Variants in ADCY4 observed in about 807,000 individuals in gnomAD.
The protein encoded by ADCY4 is adenylate cyclase 4.
A neutral mutation model predicts 125.5 loss-of-function variants in ADCY4; 111 were observed. That is an observed-to-expected ratio of 0.88 (90% CI 0.76 to 1.04). ADCY4 has a LOEUF of 1.04. Ranked by LOEUF, ADCY4 falls within the 50% of genes least tolerant of loss-of-function variation. The pLI, the probability that ADCY4 is intolerant of heterozygous loss-of-function variation, is 0.00. For missense variants in ADCY4, 1,256 were observed against 1,382.9 expected, an observed-to-expected ratio of 0.91 and a Z score of 1.46; for synonymous variants, 576 against 586.9, an observed-to-expected ratio of 0.98 and a Z score of 0.27.
Position 24,319,162 on chromosome 14 carries a change from C to A in ADCY4, c.2892G>T (p.Val964=). Residue 964 remains valine, a synonymous_variant, in exon 23 of 25, where the codon GTG becomes GTT. Coordinates refer to ENST00000418030, the MANE Select transcript of ADCY4 (RefSeq NM_001198568.2). This position sits in a 1 kb window ranked among gnomAD's most constrained non-coding sequence, Gnocchi z 4.5. ...TGACGTCCAGCTTAGACCCCAGGGC[C>A]ACGGCAAATTCCACCATAGTGCCAA... ...SHLGTMVEFA[V]ALGSKLDVIN... 1 of 1,614,054 alleles carries A rather than the reference C, an allele frequency of 6.2e-7. No individual in the cohort carries two copies. Among genetic ancestry groups the A allele is most frequent in the Non-Finnish European group, 8.5e-7 (1 of 1,180,010 alleles).
intron 10 of ADCY4, among the ~76,000 whole-genome samples, chr14:24,328,082 A>G (rs2080331337): frequency 6.6e-6 from 1 of 152,206 alleles, no homozygotes; most frequent in East Asian, 1.9e-4. Context: ...GCCTTCTGTT[A>G]TGCCTGGACA....
Position 24,322,102 on chromosome 14 carries a change from C to T in ADCY4, c.2550G>A (p.Val850=), listed in dbSNP as rs200434783. The T allele has an allele frequency of 6.2e-7, 1 of 1,613,902 alleles. No individual in the cohort carries two copies. The highest frequency in any genetic ancestry group is 8.5e-7 in the Non-Finnish European group (1 of 1,179,834). ...GGTTCTGGCCAATGAACTGGGGGGCCACGTGTGCAGGGAGCACGTTCTCCA... is the reference window on the plus strand; with the variant it reads ...GGTTCTGGCCAATGAACTGGGGGGCTACGTGTGCAGGGAGCACGTTCTCCA... ...LLLENVLPAH[V]APQFIGQNRR... is the part of the protein sequence containing the mutation. Residue 850 remains valine (V), a synonymous_variant, in exon 20 of 25, where the codon GTG becomes GTA. Coordinates refer to ENST00000418030, the MANE Select transcript of ADCY4 (RefSeq NM_001198568.2).
intron 12 of ADCY4, 78 bp from the exon 13 acceptor site, chr14:24,325,965 G>C: frequency 6.3e-7 from 1 of 1,583,152 alleles, no homozygotes; most frequent in Non-Finnish European, 8.6e-7. Flanking sequence ...CAGAGTGAGG[G>C]CAAGAGGGGG....
chr14:24,321,476 G>A (rs1022864873), intron 20 of ADCY4, among the ~76,000 whole-genome samples: 3 of 151,258 alleles, frequency 2.0e-5, no homozygotes, highest in South Asian at 2.1e-4. Flanking sequence ...CAGCCTGAGC[G>A]ATGAGAGTGA....
chr14:24,334,230 T>C lies in ADCY4; in HGVS notation c.159+264A>G, dbSNP rs574844218. ...GGAAAATCCGGTGATGGATTTATTG[T>C]AGAACCCGTAGACCACGGATGTTCA... is the stretch of plus-strand genomic sequence containing the variant. On this transcript the variant is annotated intron_variant, in intron 1 of 24. Coordinates refer to ENST00000418030, the MANE Select transcript of ADCY4 (RefSeq NM_001198568.2). 3.3e-5 allele frequency among the ~76,000 whole-genome samples: 5 copies of C among 152,148 alleles called. No homozygotes were observed. The East Asian group carries it at 5.8e-4, about 18-fold the overall frequency.
Position 24,331,908 on chromosome 14 carries a change from G to A in ADCY4, c.549C>T (p.Cys183=). The change falls in exon 4 of 25, where the codon TGC becomes TGT. Residue 183 remains cysteine, a synonymous_variant. Coordinates refer to ENST00000418030, the MANE Select transcript of ADCY4 (RefSeq NM_001198568.2). ...TGTGGTACACTCCTGCCACGTTCCC[G>A]CACAGGAACAGCACTGCGTTTGCTG... The part of the protein sequence containing the change: ...QLAANAVLFL[C]GNVAGVYHKA... 1 of 1,578,588 alleles carries A rather than the reference G, an allele frequency of 6.3e-7. No homozygotes were observed. The highest frequency in any genetic ancestry group is 2.3e-5 in the East Asian group (1 of 43,596).
rs76097666 is a variant in ADCY4 at position 24,326,300 on chromosome 14, G to A, written c.1567C>T (p.Arg523Trp). 66 of 1,614,082 alleles carry A rather than the reference G, an allele frequency of 4.1e-5. No individual in the cohort carries two copies. The highest frequency in any genetic ancestry group is 1.0e-4 in the Admixed American group (6 of 60,018). Residue 523 changes from arginine to tryptophan, a missense_variant and splice_region_variant, in exon 11 of 25, where the codon CGG becomes TGG. Transcript: ENST00000418030. ...ASFSTQWSLD[R>W]SRTPRGLDDE... ...GCAAAGACTTTGAGGCCTCCTCACC[G>A]ATCCAGGCTCCACTGGGTGCTGAAG...
intron 8 of ADCY4, 145 bp from the exon 9 acceptor site, chr14:24,329,678 C>T (rs542623301): frequency 2.1e-6 from 3 of 1,413,318 alleles, no homozygotes; most frequent in Admixed American, 2.8e-5. Flanking sequence ...CAAGAAAGAG[C>T]CTGTGTTACA....
At position 24,324,388 on chromosome 14, in the gene ADCY4, G is replaced by C; in HGVS notation, c.1827C>G (p.Pro609=). Residue 609 remains proline, a synonymous_variant, in exon 15 of 25, where the codon CCC becomes CCG. Transcript: ENST00000418030. ...TGCTATACGTGATGGCCAGAGCTGG[G>C]GGCCTGAAGGGAGACAAAAGCGAGG... The part of the protein sequence containing the change: ...FIIQMLVTNR[P]PALAITYSIT... 1 of 1,613,564 alleles carries C rather than the reference G, an allele frequency of 6.2e-7. No homozygotes were observed. Among genetic ancestry groups the C allele is most frequent in the Non-Finnish European group, 8.5e-7 (1 of 1,179,428 alleles).
At position 24,319,322 on chromosome 14, in the gene ADCY4, G is replaced by C. The variant is rs1461387612; in HGVS notation, c.2841+7C>G. ...GGAGGATGGTAGGTAAGGAAGGGTT[G>C]CCGTACCTGTTGTGCATCCTGTCCA... On this transcript the variant is annotated splice_region_variant and intron_variant, in intron 22 of 24. Transcript: ENST00000418030. This position sits in a 1 kb window ranked among gnomAD's most constrained non-coding sequence, Gnocchi z 4.5. 2 of 1,613,562 alleles carry C rather than the reference G, an allele frequency of 1.2e-6. No individual in the cohort carries two copies. The highest frequency in any genetic ancestry group is 2.2e-5 in the South Asian group (2 of 91,070).
At chr14:24,325,089 G>A (rs141979650) in intron 14 of ADCY4, among the ~76,000 whole-genome samples, 50 of 152,188 alleles carry the variant, frequency 3.3e-4, no homozygotes, top group South Asian at 2.3e-3. Context: ...TGCATTTGCT[G>A]CCAGATTTGG....
chr14:24,331,427 T>C, intron 4 of ADCY4, 71 bp from the exon 5 acceptor site: 2 of 1,590,000 alleles, frequency 1.3e-6, no homozygotes, highest in Non-Finnish European at 1.7e-6. Flanking sequence ...CCCAAATCAC[T>C]CAGGAGCCCA....
chr14:24,320,532 G>A lies in ADCY4; in HGVS notation c.2587-644C>T, dbSNP rs139407177. Among the ~76,000 whole-genome samples, 14 of 152,306 alleles carry A rather than the reference G, an allele frequency of 9.2e-5. No homozygotes were observed. The East Asian group carries it at 2.5e-3, about 27-fold the overall frequency. ...TACTGATCTTGAGAGCAGGGAGCAG[G>A]CGGTGGGGGCATAAGGCTGTGAAAG... On this transcript the variant is annotated intron_variant, in intron 20 of 24. Coordinates refer to ENST00000418030, the MANE Select transcript of ADCY4 (RefSeq NM_001198568.2).
At position 24,319,179 on chromosome 14, in the gene ADCY4, T is replaced by A. The variant is rs1225390031; in HGVS notation, c.2875A>T (p.Met959Leu). 6.8e-6 allele frequency: 11 copies of A among 1,613,872 alleles called. No homozygotes were observed. The highest frequency in any genetic ancestry group is 1.7e-5 in the Admixed American group (1 of 60,000). ...CCCAGGGCCACGGCAAATTCCACCA[T>A]AGTGCCAAGGTGGCTGCAGCTCCGT... ...AERSCSHLGT[M>L]VEFAVALGSK... Residue 959 changes from methionine to leucine, a missense_variant, in exon 23 of 25, where the codon ATG becomes TTG. Coordinates refer to ENST00000418030, the MANE Select transcript of ADCY4 (RefSeq NM_001198568.2). This position sits in a 1 kb window ranked among gnomAD's most constrained non-coding sequence, Gnocchi z 4.5.
At chr14:24,325,706 C>G in intron 13 of ADCY4, 112 bp downstream of exon 13, 1 of 1,297,650 alleles carries the variant, frequency 7.7e-7, no homozygotes. Context: ...CTCCTCACCC[C>G]TAGGATCACA....
rs1368045633 is a variant in ADCY4, at chr14:24,334,612, T to A, written c.41A>T (p.Asp14Val). The change falls in exon 1 of 25, where the codon GAC becomes GTC. Residue 14 changes from aspartate to valine, a missense_variant. By Grantham distance (152) the Asp-to-Val change is radical. Coordinates refer to ENST00000418030, the MANE Select transcript of ADCY4 (RefSeq NM_001198568.2). ...GCTGTAGTAGGTCTCGTAGAAGAGG[T>A]CTTCGCTGGGGGGCGGCCGGGGGCT... Reference protein sequence around the residue: ...LFSPRPPPSEDLFYETYYSLS... With the variant: ...LFSPRPPPSEVLFYETYYSLS... 6.4e-7 allele frequency: 1 copy of A among 1,561,432 alleles called. No individual in the cohort carries two copies. The highest frequency in any genetic ancestry group is 1.2e-5 in the South Asian group (1 of 85,422).
At chr14:24,320,024 G>A in intron 20 of ADCY4, 136 bp from the exon 21 acceptor site, 2 of 1,044,638 alleles carry the variant, frequency 1.9e-6, no homozygotes, top group South Asian at 1.6e-5. Context: ...AGGGAGAGGA[G>A]TAGGGCCAGG....
intron 3 of ADCY4, 185 bp from the exon 4 acceptor site, chr14:24,332,122 C>T: frequency 1.5e-6 from 1 of 657,334 alleles, no homozygotes. Context: ...GCTCCCTCCT[C>T]CAGACTCTCG....
intron 1 of ADCY4, 66 bp downstream of exon 1, chr14:24,334,428 C>T: frequency 2.0e-6 from 3 of 1,481,792 alleles, no homozygotes; most frequent in South Asian, 2.7e-5. Context: ...AAAGAAGACC[C>T]CACAAACCCC....
Sources: gnomAD v4.1 joint callset for allele counts (sites outside exome capture counted in the v4.1 genomes callset) on GRCh38, gnomAD v4.1.1 for gene constraint, Gnocchi (gnomAD v3.1) non-coding constraint, MANE v1.5 for transcripts, NCBI Gene and HGNC (gene_info 2026-07-23, HGNC 2026-07-21) for gene names.